Variants in IFT172 observed in about 807,000 individuals in gnomAD.
The protein encoded by IFT172 is intraflagellar transport protein 172 homolog.
A neutral mutation model predicts 248.9 loss-of-function variants in IFT172; 164 were observed. The ratio of observed to expected loss-of-function variants is 0.66; its 90% CI spans 0.58 to 0.75. The LOEUF (loss-of-function observed/expected upper bound fraction) is 0.75. Ranked by LOEUF, IFT172 falls within the 30% of genes least tolerant of loss-of-function variation. The pLI, the probability that IFT172 is intolerant of heterozygous loss-of-function variation, is 0.00. For missense variants in IFT172, 1,950 were observed against 2,192.4 expected, an observed-to-expected ratio of 0.89 and a Z score of 2.21; for synonymous variants, 729 against 791.6, an observed-to-expected ratio of 0.92 and a Z score of 1.33.
In IFT172 at chr2:27,489,706, C is replaced by T. The variant is rs567762325; in HGVS notation, c.-53G>A. 8 of 1,417,886 alleles carry T rather than the reference C, an allele frequency of 5.6e-6. No homozygotes were observed. The East Asian group carries it at 9.3e-5, about 17-fold the overall frequency. The allele number at this position is 1,417,886 out of a possible 1,614,324, so 87.8% of individuals were successfully genotyped here. A position where few individuals can be genotyped will look rare whatever the true frequency, so the allele number is the denominator to read the frequency against. ...TAGACAGCGACAACTCCCGTGGTTA[C>T]CTGGACAACCCGCCACGCAGCCGCA... On this transcript the variant is annotated 5_prime_UTR_variant, in exon 1 of 48. Coordinates refer to ENST00000260570, the MANE Select transcript of IFT172 (RefSeq NM_015662.3).
intron 20 of IFT172, among the ~76,000 whole-genome samples, chr2:27,462,456 C>T (rs1666753285): frequency 6.6e-6 from 1 of 152,120 alleles, no homozygotes; most frequent in Admixed American, 6.5e-5. Flanking sequence ...AGGTAGTAGA[C>T]TGCTTATGAA....
chr2:27,470,661 T>TCCAGCATACAGGGATCTC, intron 16 of IFT172: 1 of 327,196 alleles, frequency 3.1e-6, no homozygotes, highest in Non-Finnish European at 5.5e-6. Flanking sequence ...TCAGGGATCT[T>TCCAGCATACAGGGATCTC]CCAGCCTACA....
intron 13 of IFT172, 52 bp downstream of exon 13, chr2:27,477,165 C>T: frequency 6.7e-7 from 1 of 1,503,204 alleles, no homozygotes; most frequent in Non-Finnish European, 9.3e-7. Context: ...ATTTAGGAGT[C>T]CAAAAGGAAT....
At chr2:27,462,836 C>G (rs748945863) in intron 19 of IFT172, 43 bp from the exon 20 acceptor site, 1 of 1,584,096 alleles carries the variant, frequency 6.3e-7, no homozygotes, top group Non-Finnish European at 8.7e-7. Context: ...GTAGGTGCTG[C>G]CATTCTGTCT....
chr2:27,446,761 G>A (rs958230207), intron 42 of IFT172, among the ~76,000 whole-genome samples: 2 of 142,778 alleles, frequency 1.4e-5, no homozygotes, highest in Non-Finnish European at 3.0e-5. Flanking sequence ...CTGCAGTGGC[G>A]CAATCTCGGC....
chr2:27,471,183 G>T, intron 15 of IFT172, 88 bp from the exon 16 acceptor site: 1 of 1,320,340 alleles, frequency 7.6e-7, no homozygotes, highest in Middle Eastern at 2.2e-4. Flanking sequence ...GTGAGATGTG[G>T]TGAGCTAACC....
chr2:27,487,536 G>A (rs1668855851), intron 1 of IFT172, among the ~76,000 whole-genome samples: 1 of 152,172 alleles, frequency 6.6e-6, no homozygotes, highest in Admixed American at 6.5e-5. Context: ...AAAAGATTAA[G>A]TAATTTGCCC....
intron 9 of IFT172, 58 bp downstream of exon 9, chr2:27,479,968 G>C: frequency 6.3e-7 from 1 of 1,581,294 alleles, no homozygotes. Flanking sequence ...GATAAGGCAG[G>C]ATTTTTTTCT....
At chr2:27,486,697 A>T (rs896833796) in intron 1 of IFT172, among the ~76,000 whole-genome samples, 2 of 152,224 alleles carry the variant, frequency 1.3e-5, no homozygotes, top group Non-Finnish European at 2.9e-5. Context: ...AGGGCTCCTC[A>T]TCAATCTTTG....
chr2:27,481,267 CAGA>C lies in IFT172; in HGVS notation c.571-10_571-8del. 1 of 1,608,084 alleles carries C rather than the reference CAGA, an allele frequency of 6.2e-7. No individual in the cohort carries two copies. The highest frequency in any genetic ancestry group is 8.5e-7 in the Non-Finnish European group (1 of 1,177,468). Reference sequence around the variant, plus strand: ...GGTGGTTAACCAACTTCCCCTAAGACAGAAGTAGAGGGTTTCAATCACTCTTCG... The same window carrying C: ...GGTGGTTAACCAACTTCCCCTAAGACAGTAGAGGGTTTCAATCACTCTTCG... On this transcript the variant is annotated splice_region_variant and splice_polypyrimidine_tract_variant and intron_variant, in intron 7 of 47. Coordinates refer to ENST00000260570, the MANE Select transcript of IFT172 (RefSeq NM_015662.3).
chr2:27,484,950 C>T, intron 3 of IFT172, 68 bp downstream of exon 3: 1 of 901,246 alleles, frequency 1.1e-6, no homozygotes, highest in Non-Finnish European at 1.8e-6. Flanking sequence ...TTCCCCTCCC[C>T]AGTGAGGCAT....
intron 15 of IFT172, 131 bp downstream of exon 15, chr2:27,472,119 G>A: frequency 1.4e-6 from 1 of 706,372 alleles, no homozygotes; most frequent in South Asian, 1.6e-5. Flanking sequence ...TGATTCTTCT[G>A]TGCCTTCTGC....
chr2:27,458,817 T>G lies in IFT172; in HGVS notation c.2839A>C (p.Met947Leu). Residue 947 changes from methionine (M) to leucine (L), a missense_variant, in exon 26 of 48, where the codon ATG becomes CTG. Physicochemically the swap from Met to Leu is conservative, Grantham distance 15. Coordinates refer to ENST00000260570, the MANE Select transcript of IFT172 (RefSeq NM_015662.3). ...KGDRTKDAID[M>L]YTQAGRWEQA... is the part of the protein sequence containing the mutation. ...TCCCAACGACCAGCCTGGGTGTACA[T>G]GTCTATGGCATCTTTTGTCCGATCT... The G allele has an allele frequency of 6.2e-7, 1 of 1,614,172 alleles. No individual in the cohort carries two copies. The highest frequency in any genetic ancestry group is 8.5e-7 in the Non-Finnish European group (1 of 1,180,012).
intron 40 of IFT172, 42 bp downstream of exon 40, chr2:27,448,873 G>A (rs1171304711): frequency 1.1e-6 from 1 of 937,456 alleles, no homozygotes; most frequent in Non-Finnish European, 1.8e-6. Context: ...AGGAGAAAGA[G>A]CTTTCTTGTG....
intron 16 of IFT172, among the ~76,000 whole-genome samples, chr2:27,468,705 C>T (rs989574391): frequency 4.0e-5 from 6 of 151,502 alleles, no homozygotes; most frequent in African/African-American, 9.7e-5. Flanking sequence ...AAAAATTAGC[C>T]GGGCATGGTG....
At chr2:27,471,397 C>T (rs1209253668) in intron 15 of IFT172, 2 of 262,182 alleles carry the variant, frequency 7.6e-6, no homozygotes, top group East Asian at 8.9e-5. Context: ...TGGCAGGCCA[C>T]TAGAAAAATT....
rs10600709 is a variant in IFT172 at position 27,470,308 on chromosome 2, GGAGA to G, written c.1692+616_1692+619del. Among the ~76,000 whole-genome samples, 435 of 151,000 alleles carry G rather than the reference GGAGA, an allele frequency of 2.9e-3. 1 individual carries two copies. Among genetic ancestry groups the G allele is most frequent in the African/African-American group, 0.01 (414 of 41,104 alleles). ...GAGGAAGAAAGAGTAAAAGAGAGAA[GGAGA>G]GAAAGAGAAAGAAAAAGAAAGAAAG... is the stretch of plus-strand genomic sequence containing the variant. On this transcript the variant is annotated intron_variant, in intron 16 of 47. Transcript: ENST00000260570.
intron 15 of IFT172, 82 bp from the exon 16 acceptor site, chr2:27,471,177 G>A: frequency 2.2e-6 from 3 of 1,381,984 alleles, no homozygotes; most frequent in Non-Finnish European, 3.0e-6. Flanking sequence ...CTAATGGTGA[G>A]ATGTGGTGAG....
In IFT172 at chr2:27,482,047, G is replaced by A. The variant is rs1426978693; in HGVS notation, c.571-787C>T. ...CGCCGGGGCTGCAGTGCAGTGGCGC[G>A]TTCTCACCTCACTGCAACCTCCCCT... On this transcript the variant is annotated intron_variant, in intron 7 of 47. Transcript: ENST00000260570. Among the ~76,000 whole-genome samples the A allele has an allele frequency of 2.7e-5, 4 of 150,172 alleles. No individual in the cohort carries two copies. In the South Asian group the frequency reaches 8.4e-4, roughly 32 times the overall value.
Sources: allele counts gnomAD v4.1 joint callset (sites outside exome capture counted in the v4.1 genomes callset), GRCh38; gene constraint gnomAD v4.1.1; transcripts MANE v1.5; gene names NCBI Gene and HGNC (gene_info 2026-07-23, HGNC 2026-07-21).